Variants in GPC5 observed in about 807,000 individuals in gnomAD.
GPC5 encodes the protein glypican 5, also known as glypican-5.
A neutral mutation model predicts 53.9 loss-of-function variants in GPC5; 47 were observed. The ratio of observed to expected loss-of-function variants is 0.87; its 90% CI spans 0.69 to 1.11. The LOEUF (loss-of-function observed/expected upper bound fraction) is 1.11. Among genes scored for constraint, GPC5 ranks in the 50% most tolerant of loss-of-function variants. The pLI is 0.00. For synonymous variants in GPC5, 286 were observed against 263.3 expected (o/e 1.09, Z -0.84); for missense variants, 748 against 713.1 (o/e 1.05, Z -0.56).
chr13:92,673,923 A>C (rs1886841076), intron 7 of GPC5, among the ~76,000 whole-genome samples: 1 of 152,190 alleles, frequency 6.6e-6, no homozygotes, highest in African/African-American at 2.4e-5. Flanking sequence ...CCAAGGTTCC[A>C]TTTTCAATTG....
At chr13:92,121,513 C>T (rs1053342115) in intron 6 of GPC5, among the ~76,000 whole-genome samples, 15 of 152,296 alleles carry the variant, frequency 9.8e-5, no homozygotes, top group African/African-American at 3.6e-4. Context: ...AGGCTACAGG[C>T]AATAGATGCG....
intron 7 of GPC5, among the ~76,000 whole-genome samples, chr13:92,311,585 G>A (rs1454940712): frequency 6.6e-6 from 1 of 152,172 alleles, no homozygotes; most frequent in Non-Finnish European, 1.5e-5. Context: ...CACAATCATA[G>A]CAGGAGGTAA....
chr13:92,671,295 G>T (rs1461959988), intron 7 of GPC5, among the ~76,000 whole-genome samples: 1 of 152,136 alleles, frequency 6.6e-6, no homozygotes, highest in Non-Finnish European at 1.5e-5. Flanking sequence ...TCTTGTTATG[G>T]CCAATGGCAG....
At chr13:92,506,314 A>G (rs1053498672) in intron 7 of GPC5, among the ~76,000 whole-genome samples, 13 of 152,166 alleles carry the variant, frequency 8.5e-5, no homozygotes, top group African/African-American at 3.1e-4. Context: ...CTAAGGAACA[A>G]TATTACACTG....
chr13:91,450,012 CATAT>C (rs1881075077), intron 2 of GPC5, among the ~76,000 whole-genome samples: 1 of 151,804 alleles, frequency 6.6e-6, no homozygotes, highest in Non-Finnish European at 1.5e-5. Context: ...GCTTGGTGTA[CATAT>C]ATAAGTAAAT....
chr13:92,630,204 C>T (rs527451862), intron 7 of GPC5, among the ~76,000 whole-genome samples: 4 of 152,116 alleles, frequency 2.6e-5, no homozygotes, highest in East Asian at 1.9e-4. Flanking sequence ...GACTGTTCTA[C>T]GTAATCGTGA....
At chr13:92,603,376 C>G (rs909881561) in intron 7 of GPC5, among the ~76,000 whole-genome samples, 5 of 152,128 alleles carry the variant, frequency 3.3e-5, no homozygotes, top group African/African-American at 1.2e-4. Flanking sequence ...CAGAACCACT[C>G]CCCTTACATG....
chr13:91,845,915 A>C (rs2038843892), intron 5 of GPC5, among the ~76,000 whole-genome samples: 1 of 152,204 alleles, frequency 6.6e-6, no homozygotes, highest in Admixed American at 6.5e-5. Flanking sequence ...AAATGGAGAT[A>C]ATAGTAGGTG....
In GPC5 at chr13:92,487,842, A is replaced by T. The variant is rs1300142439; in HGVS notation, c.1561+342853A>T. Among the ~76,000 whole-genome samples, 15 of 83,438 alleles carry T rather than the reference A, an allele frequency of 1.8e-4. No homozygotes were observed. In the East Asian group the frequency reaches 3.4e-3, roughly 19 times the overall value. The allele number at this position is 83,438 out of a possible 152,430, so 54.7% of individuals were successfully genotyped here. On this transcript the variant is annotated intron_variant, in intron 7 of 7. Transcript: ENST00000377067. Reference sequence around the variant, plus strand: ...ATATGGACTATATATAAATATAGTAAAAAAAAAAAAAAAAAAAAGAAAGTA... The same window carrying T: ...ATATGGACTATATATAAATATAGTATAAAAAAAAAAAAAAAAAAGAAAGTA...
At chr13:91,956,821 A>C (rs1398249138) in intron 6 of GPC5, among the ~76,000 whole-genome samples, 3 of 152,196 alleles carry the variant, frequency 2.0e-5, no homozygotes, top group Non-Finnish European at 4.4e-5. Context: ...TATCAGGAAA[A>C]AGTCCTTCCC....
At chr13:92,380,668 G>T (rs1030919046) in intron 7 of GPC5, among the ~76,000 whole-genome samples, 4 of 148,066 alleles carry the variant, frequency 2.7e-5, no homozygotes, top group African/African-American at 7.5e-5. Context: ...ATCATTCTCA[G>T]CAAACTATCG....
At chr13:92,709,767 C>A (rs1488373335) in intron 7 of GPC5, among the ~76,000 whole-genome samples, 4 of 152,162 alleles carry the variant, frequency 2.6e-5, no homozygotes, top group African/African-American at 4.8e-5. Flanking sequence ...TAGCTATGGG[C>A]AGAGATGTAT....
chr13:92,298,061 G>T (rs1340801722), intron 7 of GPC5, among the ~76,000 whole-genome samples: 1 of 152,112 alleles, frequency 6.6e-6, no homozygotes, highest in Non-Finnish European at 1.5e-5. Context: ...GGAGGATCAT[G>T]ACTGTCTCCA....
At chr13:92,835,503 C>G (rs906899065) in intron 7 of GPC5, among the ~76,000 whole-genome samples, 2 of 152,080 alleles carry the variant, frequency 1.3e-5, no homozygotes, top group Middle Eastern at 3.4e-3. Flanking sequence ...ACCTGGTTGG[C>G]TCCTATTCAT....
Position 92,278,183 on chromosome 13 carries a change from C to A in GPC5, c.1561+133194C>A, listed in dbSNP as rs559659270. On this transcript the variant is annotated intron_variant, in intron 7 of 7. Transcript: ENST00000377067. Reference sequence around the variant, plus strand: ...TAAAGAAAGTTTGCCTTTTGGTAAACAAAGTGTGGTCTACATATTTAAAAT... The same window carrying A: ...TAAAGAAAGTTTGCCTTTTGGTAAAAAAAGTGTGGTCTACATATTTAAAAT... Among the ~76,000 whole-genome samples, 16 of 151,876 alleles carry A rather than the reference C, an allele frequency of 1.1e-4. No individual in the cohort carries two copies. The South Asian group carries it at 3.3e-3, about 31-fold the overall frequency.
intron 7 of GPC5, among the ~76,000 whole-genome samples, chr13:92,519,915 A>C (rs1047865054): frequency 3.9e-5 from 6 of 152,222 alleles, no homozygotes; most frequent in Non-Finnish European, 7.3e-5. Flanking sequence ...GAGAAGAATC[A>C]AATAGACGCA....
At chr13:91,510,212 C>G (rs1885163014) in intron 2 of GPC5, among the ~76,000 whole-genome samples, 1 of 152,056 alleles carries the variant, frequency 6.6e-6, no homozygotes, top group Non-Finnish European at 1.5e-5. Context: ...TCATAGCTAT[C>G]ATTTGTATTG....
At chr13:91,453,887 C>T (rs1881361692) in intron 2 of GPC5, among the ~76,000 whole-genome samples, 1 of 152,016 alleles carries the variant, frequency 6.6e-6, no homozygotes, top group African/African-American at 2.4e-5. Flanking sequence ...TTAGATTGTA[C>T]ACAGTGTCAA....
chr13:91,903,009 A>G (rs2039514556), intron 5 of GPC5, among the ~76,000 whole-genome samples: 1 of 148,342 alleles, frequency 6.7e-6, no homozygotes, highest in East Asian at 2.0e-4. Context: ...AAACACCCAA[A>G]TCTTAACTGT....
Sources: gnomAD v4.1 joint callset for allele counts (sites outside exome capture counted in the v4.1 genomes callset) on GRCh38, gnomAD v4.1.1 for gene constraint, MANE v1.5 for transcripts, NCBI Gene and HGNC (gene_info 2026-07-23, HGNC 2026-07-21) for gene names.